Variants in SPATA13 observed in about 807,000 individuals in gnomAD.
SPATA13 encodes spermatogenesis-associated protein 13.
Under a neutral mutation model 104.0 loss-of-function variants are expected in SPATA13, and 50 were observed. The observed-to-expected ratio is 0.48, with a 90% CI of 0.38 to 0.61. The LOEUF is 0.61. Ranked by LOEUF, SPATA13 falls within the 20% of genes least tolerant of loss-of-function variation. The pLI, the probability that SPATA13 is intolerant of heterozygous loss-of-function variation, is 0.00. For synonymous variants in SPATA13, 606 were observed against 667.5 expected, an observed-to-expected ratio of 0.91 and a Z score of 1.42; for missense variants, 1,524 against 1,690.6, an observed-to-expected ratio of 0.90 and a Z score of 1.73.
chr13:24,026,640 T>C (rs926647870), intron 3 of SPATA13, among the ~76,000 whole-genome samples: 3 of 152,190 alleles, frequency 2.0e-5, no homozygotes, highest in Admixed American at 2.0e-4. Context: ...TGCAGTGGTG[T>C]GATCTCAGCT....
In SPATA13 at chr13:24,223,790, G is replaced by T. The variant is rs1268087769; in HGVS notation, c.861G>T (p.Gln287His). The part of the protein sequence containing the change: ...LRTAHDARVP[Q>H]RTLSSSSTDS... ...CGGCCCATGACGCACGGGTACCACA[G>T]AGGACCCTGAGCAGTTCCTCCACTG... Residue 287 changes from glutamine (Q) to histidine (H), a missense_variant, in exon 2 of 13, where the codon CAG becomes CAT. By Grantham distance (24) the Gln-to-His change is conservative. This residue lies in a region of SPATA13 where 1,089 missense variants were observed against 1,135.9 expected (regional missense o/e 0.96). Coordinates refer to ENST00000382108, the MANE Select transcript of SPATA13 (RefSeq NM_001166271.3). The T allele has an allele frequency of 1.9e-6, 3 of 1,551,700 alleles. No individual in the cohort carries two copies. Among genetic ancestry groups the T allele is most frequent in the Non-Finnish European group, 2.6e-6 (3 of 1,147,018 alleles).
At chr13:24,114,903 C>G (rs1170891038) in intron 3 of SPATA13, among the ~76,000 whole-genome samples, 1 of 152,164 alleles carries the variant, frequency 6.6e-6, no homozygotes, top group African/African-American at 2.4e-5. Flanking sequence ...CTCTGGTGAT[C>G]CGCCCACCTC....
intron 3 of SPATA13, among the ~76,000 whole-genome samples, chr13:24,091,908 C>T (rs1461349533): frequency 1.3e-5 from 2 of 152,150 alleles, no homozygotes; most frequent in Non-Finnish European, 2.9e-5. Context: ...CTCATGGCTG[C>T]TAGGCTGCTG....
intron 3 of SPATA13, among the ~76,000 whole-genome samples, chr13:24,068,520 T>C (rs1879048145): frequency 6.6e-6 from 1 of 152,240 alleles, no homozygotes; most frequent in African/African-American, 2.4e-5. Flanking sequence ...TGTCAAATGA[T>C]ATTTCTGTCA....
chr13:24,107,596 G>A (rs1998783), intron 3 of SPATA13, among the ~76,000 whole-genome samples: 114,860 of 152,142 alleles, frequency 0.75, 43,448 homozygotes, highest in East Asian at 0.8. Context: ...CCAACTCTTA[G>A]CACTCTTATA....
At chr13:24,253,460 G>A (rs866696357) in intron 4 of SPATA13, among the ~76,000 whole-genome samples, 8 of 137,684 alleles carry the variant, frequency 5.8e-5, no homozygotes, top group South Asian at 2.3e-4. Flanking sequence ...CCTCTTCAGC[G>A]TTGATTAACT....
At chr13:24,282,374 A>G (rs1875609061) in intron 4 of SPATA13, among the ~76,000 whole-genome samples, 2 of 152,240 alleles carry the variant, frequency 1.3e-5, no homozygotes, top group Non-Finnish European at 2.9e-5. Context: ...CCTTGAGGAA[A>G]GCAAGCCCAT....
chr13:24,008,066 A>G (rs978656618), intron 2 of SPATA13, among the ~76,000 whole-genome samples: 2 of 152,296 alleles, frequency 1.3e-5, no homozygotes, highest in Non-Finnish European at 2.9e-5. Context: ...CACTCATGGG[A>G]GCCGAACCAC....
chr13:24,224,919 GCT>G (rs1246734518), intron 2 of SPATA13: 5 of 383,410 alleles, frequency 1.3e-5, no homozygotes, highest in South Asian at 9.2e-5. Flanking sequence ...GCTCCATGCA[GCT>G]CTGACTCATA....
intron 2 of SPATA13, among the ~76,000 whole-genome samples, chr13:23,997,766 AAAC>A (rs1308190459): frequency 6.6e-6 from 1 of 152,056 alleles, no homozygotes; most frequent in East Asian, 1.9e-4. Context: ...CAGCCTCTAT[AAAC>A]AACCAGCTCT....
intron 3 of SPATA13, among the ~76,000 whole-genome samples, chr13:24,084,498 G>A (rs1335037074): frequency 6.6e-6 from 1 of 150,942 alleles, no homozygotes; most frequent in African/African-American, 2.4e-5. Flanking sequence ...CACCACCTGG[G>A]TTTCCTTTCA....
chr13:24,020,452 A>G (rs1056853565), intron 3 of SPATA13, among the ~76,000 whole-genome samples: 1 of 152,202 alleles, frequency 6.6e-6, no homozygotes, highest in Non-Finnish European at 1.5e-5. Context: ...CAGATTCACA[A>G]TCCATTTGAG....
intron 4 of SPATA13, among the ~76,000 whole-genome samples, chr13:24,266,512 T>A (rs4316610): frequency 6.6e-6 from 1 of 152,172 alleles, no homozygotes; most frequent in East Asian, 1.9e-4. Flanking sequence ...CTCAAACTCC[T>A]AGCCTCAAGT....
chr13:24,141,173 C>CAAAAA (rs3075288), intron 3 of SPATA13, among the ~76,000 whole-genome samples: 4 of 139,214 alleles, frequency 2.9e-5, no homozygotes, highest in African/African-American at 1.1e-4. Flanking sequence ...GACTCTGGCT[C>CAAAAA]AAAAAAAAAA....
upstream of SPATA13, among the ~76,000 whole-genome samples, chr13:24,159,140 T>A (rs11307139): frequency 1.3e-5 from 2 of 149,360 alleles, no homozygotes; most frequent in African/African-American, 2.5e-5. Flanking sequence ...TATTTTTTTT[T>A]AAATAATACT....
At chr13:24,200,940 G>A (rs572244315) in intron 1 of SPATA13, among the ~76,000 whole-genome samples, 3 of 149,090 alleles carry the variant, frequency 2.0e-5, no homozygotes, top group African/African-American at 4.9e-5. Context: ...GTCTGATTAC[G>A]TCCTTGTTCT....
In SPATA13 at chr13:24,011,348, T is replaced by C. The variant is rs1876463091; in HGVS notation, c.-146-6319T>C. On this transcript the variant is annotated intron_variant, in intron 2 of 14. Transcript: ENST00000424834. The surrounding 1 kb of genome is among the most constrained non-coding windows in gnomAD (Gnocchi z 4.3). ...TTGGCCATCTCATGCTGTCTCACGT[T>C]CCGCAGCTGGTCTGGGCCCAAGTGC... Among the ~76,000 whole-genome samples, 1 of 152,146 alleles carries C rather than the reference T, an allele frequency of 6.6e-6. No homozygotes were observed. Among genetic ancestry groups the C allele is most frequent in the Non-Finnish European group, 1.5e-5 (1 of 68,018 alleles).
chr13:24,209,911 CAT>C lies in SPATA13; in HGVS notation c.-111-12907_-111-12906del, dbSNP rs1870919336. On this transcript the variant is annotated intron_variant, in intron 1 of 12. Transcript: ENST00000382108. ...GTGTGTGAGGGTCTCCTTTCTTGCA[CAT>C]CCTTACCACCGCTTGTAACCTCTGG... 3.9e-5 allele frequency among the ~76,000 whole-genome samples: 6 copies of C among 152,290 alleles called. No individual in the cohort carries two copies. The South Asian group carries it at 1.0e-3, about 26-fold the overall frequency.
At chr13:23,991,095 C>T (rs1431201647) in intron 2 of SPATA13, among the ~76,000 whole-genome samples, 2 of 152,198 alleles carry the variant, frequency 1.3e-5, no homozygotes, top group African/African-American at 2.4e-5. Context: ...GGCAGAGTCC[C>T]AGGCAGGGCG....
Sources: gnomAD v4.1 joint callset for allele counts (sites outside exome capture counted in the v4.1 genomes callset) on GRCh38, gnomAD v4.1.1 for gene constraint, gnomAD v4.1.1 regional missense constraint, Gnocchi (gnomAD v3.1) non-coding constraint, MANE v1.5 for transcripts, NCBI Gene and HGNC (gene_info 2026-07-23, HGNC 2026-07-21) for gene names.